PTER: variants seen among roughly 807,000 people sequenced by gnomAD.
PTER encodes the protein N-acetyltaurine hydrolase.
Under a neutral mutation model 29.6 loss-of-function variants are expected in PTER, and 38 were observed. That is an observed-to-expected ratio of 1.28 (90% CI 0.99 to 1.68). The LOEUF is 1.68. PTER is among the 40% of genes most tolerant of loss of function. The pLI is 0.00. For synonymous variants in PTER, 172 were observed against 154.5 expected (o/e 1.11, Z -0.84); for missense variants, 482 against 427.8 (o/e 1.13, Z -1.12).
chr10:16,447,659 G>C (rs1482889987), intron 1 of PTER, among the ~76,000 whole-genome samples: 1 of 152,182 alleles, frequency 6.6e-6, no homozygotes, highest in Non-Finnish European at 1.5e-5. Context: ...AGCTTTGTAA[G>C]TGGCTATACT....
At chr10:16,470,374 C>CTT (rs1835001289) in intron 1 of PTER, among the ~76,000 whole-genome samples, 1 of 152,212 alleles carries the variant, frequency 6.6e-6, no homozygotes, top group African/African-American at 2.4e-5. Flanking sequence ...ACCTTACCTG[C>CTT]CTCGAATAAC....
chr10:16,438,069 G>C (rs553601790), intron 1 of PTER, among the ~76,000 whole-genome samples: 8 of 150,122 alleles, frequency 5.3e-5, no homozygotes, highest in Admixed American at 4.6e-4. Context: ...GCAGTGGTGC[G>C]ATCTCGGCTC....
At chr10:16,462,337 C>G (rs933578521) in intron 1 of PTER, among the ~76,000 whole-genome samples, 1 of 152,144 alleles carries the variant, frequency 6.6e-6, no homozygotes, top group South Asian at 2.1e-4. Flanking sequence ...AGTGGATAAT[C>G]TGTCAAAGTG....
chr10:16,442,897 G>A (rs746520598), intron 1 of PTER, among the ~76,000 whole-genome samples: 8 of 152,072 alleles, frequency 5.3e-5, no homozygotes, highest in Non-Finnish European at 7.4e-5. Flanking sequence ...GCCTGAACCC[G>A]GGAGGCGAAG....
Position 16,477,147 on chromosome 10 carries a change from G to A in PTER, c.-48-7190G>A, listed in dbSNP as rs1299835679. 2.0e-5 allele frequency among the ~76,000 whole-genome samples: 3 copies of A among 152,088 alleles called. No homozygotes were observed. In the South Asian group the frequency reaches 6.2e-4, roughly 31 times the overall value. On this transcript the variant is annotated intron_variant, in intron 1 of 4. Transcript: ENST00000535784. The stretch of plus-strand genomic sequence containing the variant: ...TCAAACCCTTGAGCTCAAGCAGTCT[G>A]CCTGCCTTGGCCTCCCAGAGTGCTG...
chr10:16,504,140 C>T (rs1366712004), intron 3 of PTER, among the ~76,000 whole-genome samples: 2 of 150,304 alleles, frequency 1.3e-5, no homozygotes, highest in Non-Finnish European at 3.0e-5. Flanking sequence ...GTTTTTATTC[C>T]TTCTTAGCTC....
intron 1 of PTER, among the ~76,000 whole-genome samples, chr10:16,469,946 A>G (rs1834986112): frequency 6.6e-6 from 1 of 151,760 alleles, no homozygotes; most frequent in Non-Finnish European, 1.5e-5. Context: ...ATGTTGCATC[A>G]GAGAGAATGT....
intron 1 of PTER, among the ~76,000 whole-genome samples, chr10:16,454,370 T>A (rs1588588411): frequency 6.6e-6 from 1 of 151,268 alleles, no homozygotes; most frequent in Non-Finnish European, 1.5e-5. Context: ...AGGCTAGGAG[T>A]TCAAGACCAG....
At chr10:16,500,095 C>T (rs531964754) in intron 3 of PTER, among the ~76,000 whole-genome samples, 2 of 152,172 alleles carry the variant, frequency 1.3e-5, no homozygotes, top group East Asian at 3.9e-4. Flanking sequence ...AGCCTAATTG[C>T]TTCCCTTCTG....
intron 4 of PTER, among the ~76,000 whole-genome samples, chr10:16,505,699 C>A (rs1157626029): frequency 1.3e-5 from 2 of 152,194 alleles, no homozygotes; most frequent in African/African-American, 4.8e-5. Context: ...AGGAGTCATT[C>A]TTTGTAATCA....
intron 4 of PTER, among the ~76,000 whole-genome samples, chr10:16,506,483 C>G (rs76994121): frequency 0.015 from 2,291 of 152,232 alleles, 61 homozygotes; most frequent in African/African-American, 0.05. Context: ...AAGTTTTTGT[C>G]TGAGTGTCTG....
intron 3 of PTER, among the ~76,000 whole-genome samples, chr10:16,503,579 T>C (rs1435660094): frequency 1.3e-5 from 2 of 151,996 alleles, no homozygotes; most frequent in African/African-American, 4.8e-5. Flanking sequence ...TAATTTTTCG[T>C]ATTTTTAGTA....
chr10:16,506,592 C>G (rs1267148400), intron 4 of PTER, among the ~76,000 whole-genome samples: 4 of 152,152 alleles, frequency 2.6e-5, no homozygotes, highest in African/African-American at 9.6e-5. Flanking sequence ...TAGATGGAAT[C>G]TGGGGAACAA....
downstream of PTER, chr10:16,514,666 G>A (rs772645414): frequency 5.0e-6 from 8 of 1,613,724 alleles, no homozygotes; most frequent in East Asian, 4.5e-5. Flanking sequence ...TGGCATAGTC[G>A]TAATTCTGAT....
chr10:16,438,414 A>G (rs1240869676), intron 1 of PTER, among the ~76,000 whole-genome samples: 1 of 150,406 alleles, frequency 6.6e-6, no homozygotes, highest in Non-Finnish European at 1.5e-5. Flanking sequence ...CTCCCAGCTC[A>G]GTCTCCCACA....
chr10:16,493,878 G>A (rs1384407028), intron 3 of PTER, among the ~76,000 whole-genome samples: 1 of 152,166 alleles, frequency 6.6e-6, no homozygotes, highest in Non-Finnish European at 1.5e-5. Flanking sequence ...AATTAATTGT[G>A]GAGTATTCCA....
rs1489492 is a variant in PTER, at chr10:16,511,393, T to G, written c.*137T>G. 3 of 806,120 alleles carry G rather than the reference T, an allele frequency of 3.7e-6. No homozygotes were observed. The highest frequency in any genetic ancestry group is 4.0e-6 in the Non-Finnish European group (2 of 503,784). 49.9% of individuals were successfully genotyped at this position (806,120 alleles called of 1,614,324 possible). On this transcript the variant is annotated 3_prime_UTR_variant, in exon 5 of 5. Transcript: ENST00000535784. ...TTCCTTCTGATGAGAACTAGGAGGG[T>G]TTGCCTTCTCTGAGACCAGCTATTA... is the stretch of plus-strand genomic sequence containing the variant.
chr10:16,486,458 A>G lies in PTER; in HGVS notation c.539A>G (p.Glu180Gly), dbSNP rs909249751. 1.9e-6 allele frequency: 3 copies of G among 1,613,952 alleles called. No homozygotes were observed. The highest frequency in any genetic ancestry group is 2.5e-6 in the Non-Finnish European group (3 of 1,179,990). Residue 180 changes from glutamate (E) to glycine (G), a missense_variant, in exon 3 of 5, where the codon GAA (glutamate) becomes GGA (glycine). By Grantham distance (98) the Glu-to-Gly change is moderately conservative. Transcript: ENST00000535784. ...TGCTCCTGGCCTTTGACTGAGAGTG[A>G]AAGAAAGGTTCTCCAGGCCACAGCT... Reference protein sequence around the residue: ...IGCSWPLTESERKVLQATAHA... With the variant: ...IGCSWPLTESGRKVLQATAHA...
intron 1 of PTER, among the ~76,000 whole-genome samples, chr10:16,458,472 C>A (rs1279416409): frequency 6.6e-6 from 1 of 152,134 alleles, no homozygotes; most frequent in Non-Finnish European, 1.5e-5. Flanking sequence ...CATTATGAAG[C>A]CATTAGAACA....
Sources: gnomAD v4.1 joint callset for allele counts (sites outside exome capture counted in the v4.1 genomes callset) on GRCh38, gnomAD v4.1.1 for gene constraint, MANE v1.5 for transcripts, NCBI Gene and HGNC (gene_info 2026-07-23, HGNC 2026-07-21) for gene names.